MEAF6: variants seen among roughly 807,000 people sequenced by gnomAD.
MEAF6 encodes the protein chromatin modification-related protein MEAF6.
Under a neutral mutation model 28.9 loss-of-function variants are expected in MEAF6, and 15 were observed. The ratio of observed to expected loss-of-function variants is 0.52; its 90% confidence interval spans 0.35 to 0.80. The LOEUF (loss-of-function observed/expected upper bound fraction) is 0.80, where lower values mean the gene tolerates loss of function less well. MEAF6 is among the 30% of genes least tolerant of loss of function. The pLI is 0.01. For missense variants in MEAF6, 178 were observed against 237.5 expected (o/e 0.75, Z 1.65); for synonymous variants, 97 against 88.7 (o/e 1.09, Z -0.53).
intron 2 of MEAF6, among the ~76,000 whole-genome samples, chr1:37,510,884 G>A (rs866418466): frequency 6.6e-6 from 1 of 151,934 alleles, no homozygotes; most frequent in Admixed American, 6.6e-5. Context: ...CACCACGTCC[G>A]GCTAATTTTG....
intron 6 of MEAF6, among the ~76,000 whole-genome samples, 181 bp downstream of exon 6, chr1:37,495,704 C>CA (rs1217893546): frequency 0.085 from 5,437 of 64,208 alleles, 237 homozygotes; most frequent in South Asian, 0.14. Context: ...AAACAAAAAA[C>CA]AAAAAAAAAA....
intron 4 of MEAF6, among the ~76,000 whole-genome samples, chr1:37,503,254 C>A (rs1176905004): frequency 6.6e-6 from 1 of 152,214 alleles, no homozygotes; most frequent in African/African-American, 2.4e-5. Context: ...TTTTAAAATG[C>A]AGTAATAATC....
At chr1:37,502,070 A>G in intron 4 of MEAF6, 74 bp from the exon 5 acceptor site, 2 of 1,266,540 alleles carry the variant, frequency 1.6e-6, no homozygotes, top group Non-Finnish European at 2.2e-6. Flanking sequence ...CAACATGAAC[A>G]CTAATAGGTA....
At chr1:37,503,853 C>T (rs759718718) in intron 4 of MEAF6, among the ~76,000 whole-genome samples, 86 of 151,940 alleles carry the variant, frequency 5.7e-4, no homozygotes, top group South Asian at 4.2e-4. Context: ...CCCAGCTATT[C>T]AAGGCTGAGG....
At chr1:37,499,688 AC>A (rs532800273) in intron 5 of MEAF6, among the ~76,000 whole-genome samples, 2 of 152,302 alleles carry the variant, frequency 1.3e-5, no homozygotes, top group South Asian at 4.1e-4. Context: ...CAAACAGAAA[AC>A]ACTATTTGCG....
At chr1:37,495,799 G>A in intron 6 of MEAF6, 86 bp downstream of exon 6, 3 of 1,326,060 alleles carry the variant, frequency 2.3e-6, no homozygotes, top group Non-Finnish European at 3.3e-6. Flanking sequence ...TCCAGGTTAG[G>A]AACACTCAAG....
intron 2 of MEAF6, among the ~76,000 whole-genome samples, chr1:37,511,593 A>G (rs1642672792): frequency 6.6e-6 from 1 of 152,234 alleles, no homozygotes; most frequent in Non-Finnish European, 1.5e-5. Context: ...GCAACAAATA[A>G]TAGGACAATG....
In MEAF6 at chr1:37,495,935, A is replaced by G; in HGVS notation, c.534-17T>C. 6.2e-7 allele frequency: 1 copy of G among 1,611,468 alleles called. No individual in the cohort carries two copies. Among genetic ancestry groups the G allele is most frequent in the Non-Finnish European group, 8.5e-7 (1 of 1,177,620 alleles). ...AGATCAATCCTGTGACAGAAAAGAT[A>G]AAAGATATTTCCATTTTAATTTACA... On this transcript the variant is annotated splice_polypyrimidine_tract_variant and intron_variant, in intron 5 of 6. Coordinates refer to ENST00000296214, the MANE Select transcript of MEAF6 (RefSeq NM_001270875.3).
At position 37,514,684 on chromosome 1, in the gene MEAF6, C is replaced by T; in HGVS notation, c.63G>A (p.Glu21=). The part of the protein sequence containing the change: ...QIPDTRRELA[E]LVKRKQELAE... Reference sequence around the variant, plus strand: ...CCAGCTCCTGCTTCCGCTTCACGAGCTCCGCCAGCTCCCGCCGGGTGTCCG... The same window carrying T: ...CCAGCTCCTGCTTCCGCTTCACGAGTTCCGCCAGCTCCCGCCGGGTGTCCG... The change falls in exon 1 of 7, where the codon GAG becomes GAA. Residue 21 remains glutamate (E), a synonymous_variant. Transcript: ENST00000296214. 1 of 1,544,708 alleles carries T rather than the reference C, an allele frequency of 6.5e-7. No individual in the cohort carries two copies. Among genetic ancestry groups the T allele is most frequent in the Non-Finnish European group, 8.7e-7 (1 of 1,150,218 alleles).
At position 37,495,063 on chromosome 1, in the gene MEAF6, G is replaced by A. The variant is rs370190748; in HGVS notation, c.567+822C>T. 2.8e-4 allele frequency among the ~76,000 whole-genome samples: 43 copies of A among 151,988 alleles called. No homozygotes were observed. In the East Asian group the frequency reaches 7.8e-3, roughly 27 times the overall value. On this transcript the variant is annotated intron_variant, in intron 6 of 6. Transcript: ENST00000296214. Reference sequence around the variant, plus strand: ...AAAATGTATGTGACCGGCCGGGTGCGGTGGCTCACGCCTGTAATCCCAGCA... The same window carrying A: ...AAAATGTATGTGACCGGCCGGGTGCAGTGGCTCACGCCTGTAATCCCAGCA...
rs756821703 is a variant in MEAF6, at chr1:37,514,764, G to A, written c.-18C>T. 2.1e-6 allele frequency: 3 copies of A among 1,435,842 alleles called. No homozygotes were observed. Among genetic ancestry groups the A allele is most frequent in the South Asian group, 1.4e-5 (1 of 72,158 alleles). 88.9% of individuals were successfully genotyped at this position (1,435,842 alleles called of 1,614,324 possible). ...ATCGCCATGTTGGGCTGAGGCGGGC[G>A]GCGGCGGCGCGAGGTTGGGGGCGGT... On this transcript the variant is annotated 5_prime_UTR_variant, in exon 1 of 7. Coordinates refer to ENST00000296214, the MANE Select transcript of MEAF6 (RefSeq NM_001270875.3).
rs1442267112 is a variant in MEAF6 at position 37,493,884 on chromosome 1, C to G, written c.*215G>C. 1.4e-5 allele frequency: 22 copies of G among 1,568,086 alleles called. No homozygotes were observed. In the South Asian group the frequency reaches 1.7e-4, roughly 12 times the overall value. On this transcript the variant is annotated 3_prime_UTR_variant, in exon 7 of 7. Coordinates refer to ENST00000296214, the MANE Select transcript of MEAF6 (RefSeq NM_001270875.3). ...ACATTGTCTTCATCTTCCTGCAGTT[C>G]TGTTACTAAAAATGACATAAAGTAA...
intron 5 of MEAF6, among the ~76,000 whole-genome samples, chr1:37,497,225 T>C (rs958000700): frequency 1.4e-5 from 2 of 145,844 alleles, no homozygotes; most frequent in African/African-American, 4.9e-5. Flanking sequence ...TCAAGTTATA[T>C]GGGTTTGTTT....
rs919366736 is a variant in MEAF6 at position 37,490,570 on chromosome 1, G to A, written c.*3529C>T. Among the ~76,000 whole-genome samples the A allele has an allele frequency of 1.3e-4, 20 of 152,142 alleles. No individual in the cohort carries two copies. The highest frequency in any genetic ancestry group is 8.3e-4 in the South Asian group (4 of 4,826). Reference sequence around the variant, plus strand: ...TCTGTTGGAGACAGCGTCTTGCTACGTTACTCAGGCTGAAGTGCAGTGGCC... The same window carrying A: ...TCTGTTGGAGACAGCGTCTTGCTACATTACTCAGGCTGAAGTGCAGTGGCC... On this transcript the variant is annotated 3_prime_UTR_variant, in exon 7 of 7. Coordinates refer to ENST00000296214, the MANE Select transcript of MEAF6 (RefSeq NM_001270875.3).
In MEAF6 at chr1:37,509,520, G is replaced by T. The variant is rs541032998; in HGVS notation, c.229C>A (p.Arg77=). ...GCTTCCTTAAACTTCCGGTTCCTTC[G>T]ATCATTTTTGCTATTGGAGTTTCTA... is the stretch of plus-strand genomic sequence containing the variant. The part of the protein sequence containing the change: ...NQKNSNSKND[R]RNRKFKEAER... Residue 77 remains arginine (R), a synonymous_variant, in exon 3 of 7, where the codon CGA becomes AGA. Coordinates refer to ENST00000296214, the MANE Select transcript of MEAF6 (RefSeq NM_001270875.3). The T allele has an allele frequency of 1.6e-4, 256 of 1,613,942 alleles. No individual in the cohort carries two copies. The highest frequency in any genetic ancestry group is 5.0e-4 in the Middle Eastern group (3 of 6,060).
chr1:37,505,330 C>T (rs1379986265), intron 4 of MEAF6, among the ~76,000 whole-genome samples: 1 of 152,110 alleles, frequency 6.6e-6, no homozygotes, highest in Admixed American at 6.5e-5. Flanking sequence ...AAACATGAAA[C>T]CCTAATTTGA....
At chr1:37,507,706 C>A (rs979811080) in intron 4 of MEAF6, among the ~76,000 whole-genome samples, 1 of 151,876 alleles carries the variant, frequency 6.6e-6, no homozygotes, top group Non-Finnish European at 1.5e-5. Flanking sequence ...TCAGGCCGGG[C>A]GCAGTGGCTC....
chr1:37,501,029 AC>A (rs1414138619), intron 5 of MEAF6: 2 of 154,174 alleles, frequency 1.3e-5, no homozygotes, highest in Non-Finnish European at 2.9e-5. Flanking sequence ...TAGAAACCGG[AC>A]ATTATACTCT....
intron 4 of MEAF6, among the ~76,000 whole-genome samples, chr1:37,505,225 G>A (rs1339907197): frequency 6.6e-6 from 1 of 152,108 alleles, no homozygotes; most frequent in Non-Finnish European, 1.5e-5. Context: ...TAATCTGCTA[G>A]GAAGAGAATT....
Sources: gnomAD v4.1 joint callset for allele counts (sites outside exome capture counted in the v4.1 genomes callset) on GRCh38, gnomAD v4.1.1 for gene constraint, MANE v1.5 for transcripts, NCBI Gene and HGNC (gene_info 2026-07-23, HGNC 2026-07-21) for gene names.